PLXDC2: variants seen among roughly 807,000 people sequenced by gnomAD.
PLXDC2 encodes plexin domain containing 2, also known as plexin domain-containing protein 2.
Under a neutral mutation model 68.9 loss-of-function variants are expected in PLXDC2, and 40 were observed. That is an observed-to-expected ratio of 0.58 (90% confidence interval 0.45 to 0.76). The LOEUF is 0.76. Among genes scored for constraint, PLXDC2 ranks in the 30% least tolerant of loss-of-function variants. PLXDC2 has a pLI of 0.00. For synonymous variants in PLXDC2, 243 were observed against 234.2 expected (o/e 1.04, Z -0.34); for missense variants, 644 against 661.9 (o/e 0.97, Z 0.30).
At chr10:20,187,447 A>T (rs548405918) in intron 9 of PLXDC2, among the ~76,000 whole-genome samples, 2 of 151,864 alleles carry the variant, frequency 1.3e-5, no homozygotes, top group African/African-American at 2.4e-5. Flanking sequence ...TATAATTAAC[A>T]TATCAATCAC....
At chr10:19,887,867 A>AGAGTAAGT (rs1173432231) in intron 1 of PLXDC2, among the ~76,000 whole-genome samples, 7 of 152,250 alleles carry the variant, frequency 4.6e-5, no homozygotes, top group African/African-American at 1.7e-4. Flanking sequence ...ATAATTACAT[A>AGAGTAAGT]GACAACTGTA....
At chr10:20,051,393 T>TA (rs1835896039) in intron 3 of PLXDC2, among the ~76,000 whole-genome samples, 1 of 98,402 alleles carries the variant, frequency 1.0e-5, no homozygotes, top group Middle Eastern at 5.6e-3. Context: ...AAATAAAGGT[T>TA]AAATATATAT....
chr10:20,152,378 T>C (rs2131802544), intron 6 of PLXDC2, among the ~76,000 whole-genome samples: 1 of 152,218 alleles, frequency 6.6e-6, no homozygotes, highest in Admixed American at 6.5e-5. Context: ...TGGATTCCCT[T>C]AAGTAATTAA....
chr10:19,954,945 A>G (rs1834044437), intron 1 of PLXDC2, among the ~76,000 whole-genome samples: 2 of 152,102 alleles, frequency 1.3e-5, no homozygotes, highest in South Asian at 2.1e-4. Context: ...CCTAAAGCAA[A>G]TGGGTGATTA....
intron 1 of PLXDC2, among the ~76,000 whole-genome samples, chr10:19,819,309 G>A (rs1274614972): frequency 2.6e-5 from 4 of 152,014 alleles, no homozygotes; most frequent in Non-Finnish European, 4.4e-5. Flanking sequence ...CCAAATTTTC[G>A]AAGACTTTTA....
rs71390763 is a variant in PLXDC2 at position 20,162,909 on chromosome 10, CAAA to C, written c.784-1540_784-1538del. Among the ~76,000 whole-genome samples, 800 of 98,034 alleles carry C rather than the reference CAAA, an allele frequency of 8.2e-3. 16 individuals carry two copies. Among genetic ancestry groups the C allele is most frequent in the African/African-American group, 0.031 (764 of 24,620 alleles). 64.3% of individuals were successfully genotyped at this position (98,034 alleles called of 152,430 possible). A position where few individuals can be genotyped will look rare whatever the true frequency, so the allele number is the denominator to read the frequency against. On this transcript the variant is annotated intron_variant, in intron 6 of 13. Coordinates refer to ENST00000377252, the MANE Select transcript of PLXDC2 (RefSeq NM_032812.9). ...TGAAACCCCATCTCTACTAAAAATA[CAAA>C]AAAAAAAAAAAAAAAAAATCCAGCT...
rs567944695 is a variant in PLXDC2 at position 20,199,512 on chromosome 10, T to A, written c.1062-12157T>A. On this transcript the variant is annotated intron_variant, in intron 9 of 13. Transcript: ENST00000377252. ...TACTACACAGCAGTCAATAGCGTTCTATATCAGAAATGACTATTTAAGAAA... is the reference window on the plus strand; with the variant it reads ...TACTACACAGCAGTCAATAGCGTTCAATATCAGAAATGACTATTTAAGAAA... Among the ~76,000 whole-genome samples the A allele has an allele frequency of 3.9e-5, 6 of 152,096 alleles. No homozygotes were observed. The South Asian group carries it at 1.2e-3, about 32-fold the overall frequency.
At chr10:19,954,227 A>G (rs1261281419) in intron 1 of PLXDC2, among the ~76,000 whole-genome samples, 2 of 152,190 alleles carry the variant, frequency 1.3e-5, no homozygotes, top group Admixed American at 1.3e-4. Context: ...ATATTGACTG[A>G]TTTTCTCTAT....
At chr10:19,840,455 G>T (rs919344133) in intron 1 of PLXDC2, among the ~76,000 whole-genome samples, 2 of 152,006 alleles carry the variant, frequency 1.3e-5, no homozygotes, top group African/African-American at 4.8e-5. Context: ...TAGTTGTGGT[G>T]GCAGGCTCAG....
intron 1 of PLXDC2, among the ~76,000 whole-genome samples, chr10:19,943,369 G>A (rs187640839): frequency 1.5e-3 from 228 of 152,174 alleles, no homozygotes; most frequent in African/African-American, 5.2e-3. Context: ...TTTAGGTATT[G>A]GGTGAATATT....
chr10:20,008,954 T>C (rs1589583196), intron 2 of PLXDC2, among the ~76,000 whole-genome samples: 1 of 152,200 alleles, frequency 6.6e-6, no homozygotes, highest in East Asian at 1.9e-4. Context: ...ATTGAATCTC[T>C]TTTTCTTTAT....
Position 20,086,751 on chromosome 10 carries a change from A to C in PLXDC2, c.541+18512A>C, listed in dbSNP as rs541893941. Among the ~76,000 whole-genome samples, 40 of 152,256 alleles carry C rather than the reference A, an allele frequency of 2.6e-4. No homozygotes were observed. In the South Asian group the frequency reaches 6.4e-3, roughly 24 times the overall value. ...CTGTCACAATCACCTCATTAAAATC[A>C]CCCATTCTTGAAGTGAACATTTGTA... On this transcript the variant is annotated intron_variant, in intron 4 of 13. Transcript: ENST00000377252.
intron 2 of PLXDC2, among the ~76,000 whole-genome samples, chr10:20,032,570 A>G (rs1835517270): frequency 6.6e-6 from 1 of 152,120 alleles, no homozygotes; most frequent in African/African-American, 2.4e-5. Flanking sequence ...AAGGTCTGAT[A>G]AGTAGCCTAA....
At chr10:19,821,169 C>T (rs760961458) in intron 1 of PLXDC2, among the ~76,000 whole-genome samples, 1 of 152,196 alleles carries the variant, frequency 6.6e-6, no homozygotes, top group Non-Finnish European at 1.5e-5. Context: ...AGTCTCTTCT[C>T]CATGGTCTTC....
At chr10:19,949,984 C>G (rs886622418) in intron 1 of PLXDC2, among the ~76,000 whole-genome samples, 1 of 152,134 alleles carries the variant, frequency 6.6e-6, no homozygotes, top group Non-Finnish European at 1.5e-5. Context: ...GATACTTTCC[C>G]TTAATAAAGT....
intron 1 of PLXDC2, among the ~76,000 whole-genome samples, chr10:19,835,354 G>A (rs1021588023): frequency 6.6e-6 from 1 of 152,200 alleles, no homozygotes; most frequent in African/African-American, 2.4e-5. Context: ...GATCAATAAA[G>A]ATGGAATGTG....
At chr10:19,967,683 A>C (rs928625185) in intron 1 of PLXDC2, among the ~76,000 whole-genome samples, 1 of 152,204 alleles carries the variant, frequency 6.6e-6, no homozygotes, top group Non-Finnish European at 1.5e-5. Context: ...TACTGAAAAA[A>C]CATTGCAGAT....
chr10:20,014,091 T>A (rs1835161975), intron 2 of PLXDC2, among the ~76,000 whole-genome samples: 1 of 152,220 alleles, frequency 6.6e-6, no homozygotes, highest in South Asian at 2.1e-4. Context: ...ACATTCACTA[T>A]TCCTCAAAAC....
intron 1 of PLXDC2, among the ~76,000 whole-genome samples, chr10:19,956,087 A>G (rs903899862): frequency 6.6e-6 from 1 of 152,112 alleles, no homozygotes; most frequent in Non-Finnish European, 1.5e-5. Context: ...TAAAAAAAAA[A>G]TTCTCGTAAT....
Sources: allele counts gnomAD v4.1 joint callset (sites outside exome capture counted in the v4.1 genomes callset), GRCh38; gene constraint gnomAD v4.1.1; transcripts MANE v1.5; gene names NCBI Gene and HGNC (gene_info 2026-07-23, HGNC 2026-07-21).